The following AUTS2 variants were observed in gnomAD, a reference collection of about 807,000 sequenced individuals.
The protein encoded by AUTS2 is autism susceptibility gene 2 protein.
A neutral mutation model predicts 112.4 loss-of-function variants in AUTS2; 17 were observed. The observed-to-expected ratio is 0.15, with a 90% confidence interval of 0.10 to 0.23. The LOEUF (loss-of-function observed/expected upper bound fraction) is 0.23. Among genes scored for constraint, AUTS2 ranks in the 10% least tolerant of loss-of-function variants. The pLI is 1.00. For missense variants in AUTS2, 1,510 were observed against 1,701.6 expected, an observed-to-expected ratio of 0.89 and a Z score of 1.98; for synonymous variants, 751 against 702.7, an observed-to-expected ratio of 1.07 and a Z score of -1.09.
chr7:70,111,843 T>G (rs1805103441), intron 2 of AUTS2, among the ~76,000 whole-genome samples: 1 of 152,114 alleles, frequency 6.6e-6, no homozygotes, highest in South Asian at 2.1e-4. Flanking sequence ...ATTTAGAAAT[T>G]TATCTGTTTT....
At chr7:69,639,818 G>A (rs1366157852) in intron 1 of AUTS2, among the ~76,000 whole-genome samples, 1 of 152,236 alleles carries the variant, frequency 6.6e-6, no homozygotes, top group Non-Finnish European at 1.5e-5. Context: ...TGAAAAAGCA[G>A]TAAGGAGACT....
At chr7:69,716,039 A>G (rs759950056) in intron 1 of AUTS2, among the ~76,000 whole-genome samples, 21 of 152,144 alleles carry the variant, frequency 1.4e-4, no homozygotes, top group Admixed American at 5.9e-4. Context: ...AAGAAAGCCT[A>G]TGGGGAAATG....
At position 70,556,609 on chromosome 7, in the gene AUTS2, A is replaced by G. The variant is rs567948437; in HGVS notation, c.690+120828A>G. Among the ~76,000 whole-genome samples, 102 of 152,162 alleles carry G rather than the reference A, an allele frequency of 6.7e-4. 1 individual carries two copies. The highest frequency in any genetic ancestry group is 2.2e-3 in the African/African-American group (92 of 41,514). On this transcript the variant is annotated intron_variant, in intron 5 of 18. Transcript: ENST00000342771. ...CACTTCTTTACCCACCCCTTGAGAT[A>G]CTTCTTATAACCATCCCCTAAGTTC...
At chr7:70,519,663 A>G (rs1249949078) in intron 5 of AUTS2, among the ~76,000 whole-genome samples, 4 of 152,238 alleles carry the variant, frequency 2.6e-5, no homozygotes, top group Admixed American at 2.6e-4. Flanking sequence ...CCAACAGCTC[A>G]TTTAGATGAA....
At chr7:69,827,545 C>T (rs1011648489) in intron 1 of AUTS2, among the ~76,000 whole-genome samples, 13 of 152,200 alleles carry the variant, frequency 8.5e-5, no homozygotes, top group African/African-American at 3.1e-4. Flanking sequence ...TAGAACACCA[C>T]ATGAAGCTCT....
intron 2 of AUTS2, among the ~76,000 whole-genome samples, chr7:70,010,543 G>T (rs963753327): frequency 6.6e-6 from 1 of 152,184 alleles, no homozygotes; most frequent in Non-Finnish European, 1.5e-5. Flanking sequence ...CCCCCTTGAT[G>T]ACTGAGTGAC....
intron 2 of AUTS2, among the ~76,000 whole-genome samples, chr7:69,906,998 T>G (rs1795173686): frequency 6.6e-6 from 1 of 152,136 alleles, no homozygotes; most frequent in South Asian, 2.1e-4. Flanking sequence ...TCCCAGTTTC[T>G]TGGGATGCTG....
chr7:70,597,672 C>G (rs1052013580), intron 5 of AUTS2, among the ~76,000 whole-genome samples: 1 of 152,122 alleles, frequency 6.6e-6, no homozygotes, highest in Non-Finnish European at 1.5e-5. Flanking sequence ...GAGAGAAATC[C>G]CTGCTCAGAG....
intron 4 of AUTS2, among the ~76,000 whole-genome samples, chr7:70,312,712 A>G (rs1789816514): frequency 6.6e-6 from 1 of 152,244 alleles, no homozygotes; most frequent in Non-Finnish European, 1.5e-5. Context: ...AAGTACTTCA[A>G]GGGTCTAGGA....
intron 6 of AUTS2, among the ~76,000 whole-genome samples, chr7:70,721,255 GT>G (rs1308923974): frequency 2.0e-5 from 3 of 148,990 alleles, no homozygotes; most frequent in African/African-American, 7.4e-5. Context: ...CACGACTGAC[GT>G]GTGTGACAGC....
chr7:70,151,554 A>C (rs1562741976), intron 4 of AUTS2, among the ~76,000 whole-genome samples: 1 of 151,978 alleles, frequency 6.6e-6, no homozygotes, highest in Non-Finnish European at 1.5e-5. Flanking sequence ...GCCCACTGCA[A>C]CCTCTGCCTC....
chr7:70,497,870 T>C (rs1048673354), intron 5 of AUTS2, among the ~76,000 whole-genome samples: 5 of 152,188 alleles, frequency 3.3e-5, no homozygotes, highest in Admixed American at 2.6e-4. Flanking sequence ...TTCACTCTGC[T>C]ATTAACAAAT....
intron 2 of AUTS2, among the ~76,000 whole-genome samples, chr7:70,017,916 G>A (rs1028956494): frequency 6.6e-6 from 1 of 151,006 alleles, no homozygotes; most frequent in Non-Finnish European, 1.5e-5. Flanking sequence ...GAAGGGTGAT[G>A]TTGACAATTT....
chr7:70,194,288 T>C (rs1033906091), intron 4 of AUTS2, among the ~76,000 whole-genome samples: 1 of 152,104 alleles, frequency 6.6e-6, no homozygotes, highest in African/African-American at 2.4e-5. Flanking sequence ...CAGACACCTG[T>C]AATTCCAGCT....
intron 1 of AUTS2, among the ~76,000 whole-genome samples, chr7:69,743,241 G>T (rs1438801973): frequency 1.3e-5 from 2 of 152,158 alleles, no homozygotes; most frequent in Non-Finnish European, 2.9e-5. Context: ...TTGTTGTAAA[G>T]ACTAGATGGG....
At chr7:70,330,350 C>A (rs1224638072) in intron 4 of AUTS2, among the ~76,000 whole-genome samples, 1 of 152,134 alleles carries the variant, frequency 6.6e-6, no homozygotes, top group Non-Finnish European at 1.5e-5. Flanking sequence ...ATGTGGATAT[C>A]CAGTTGTCTC....
intron 1 of AUTS2, among the ~76,000 whole-genome samples, chr7:69,773,465 A>G (rs1788755444): frequency 6.6e-6 from 1 of 151,936 alleles, no homozygotes; most frequent in Admixed American, 6.5e-5. Context: ...GACCAAAAAA[A>G]AAAAAAAAAA....
chr7:70,791,197 C>T lies in AUTS2; in HGVS notation c.*201C>T. ...TTGAGATTTTTCAGATCTTTTAGCC[C>T]AGTCATATGTTCTCACGTCTCCTAC... On this transcript the variant is annotated 3_prime_UTR_variant, in exon 19 of 19. Transcript: ENST00000342771. 1.4e-5 allele frequency: 7 copies of T among 498,646 alleles called. No homozygotes were observed. The highest frequency in any genetic ancestry group is 2.2e-5 in the Non-Finnish European group (7 of 318,250). 30.9% of individuals were successfully genotyped at this position (498,646 alleles called of 1,614,324 possible).
rs150219264 is a variant in AUTS2 at position 70,787,350 on chromosome 7, G to A, written c.2450G>A (p.Arg817His). 29 of 1,613,924 alleles carry A rather than the reference G, an allele frequency of 1.8e-5. No individual in the cohort carries two copies. The highest frequency in any genetic ancestry group is 3.3e-5 in the Admixed American group (2 of 60,008). ...TGGCTGAAGCCAGGGGAGCTGGAGC[G>A]CAGCGCGTCCGCTGCAGCTCATGAC... ...PPWLKPGELERSASAAAHDRD... is the reference protein window; with the variant it reads ...PPWLKPGELEHSASAAAHDRD... The change falls in exon 18 of 19, where the codon CGC (arginine) becomes CAC (histidine). Residue 817 changes from arginine (R) to histidine (H), a missense_variant. Around this residue, in one of 3 missense-constraint regions of AUTS2, gnomAD observed 788 missense variants for 797.6 expected, o/e 0.99. Coordinates refer to ENST00000342771, the MANE Select transcript of AUTS2 (RefSeq NM_015570.4).
Sources: gnomAD v4.1 joint callset for allele counts (sites outside exome capture counted in the v4.1 genomes callset) on GRCh38, gnomAD v4.1.1 for gene constraint, gnomAD v4.1.1 regional missense constraint, MANE v1.5 for transcripts, NCBI Gene and HGNC (gene_info 2026-07-23, HGNC 2026-07-21) for gene names.